The following AHCY variants were observed in gnomAD, a reference collection of about 807,000 sequenced individuals.
The protein encoded by AHCY is adenosylhomocysteinase.
In AHCY, 24 loss-of-function variants were observed where a neutral mutation model predicts 45.4. That is an observed-to-expected ratio of 0.53 (90% confidence interval 0.38 to 0.74). The LOEUF is 0.74. Ranked by LOEUF, AHCY falls within the 30% of genes least tolerant of loss-of-function variation. The pLI is 0.00. For missense variants in AHCY, 449 were observed against 594.1 expected, an observed-to-expected ratio of 0.76 and a Z score of 2.54; for synonymous variants, 245 against 235.1, an observed-to-expected ratio of 1.04 and a Z score of -0.39.
intron 1 of AHCY, chr20:34,301,845 A>G: frequency 1.0e-6 from 1 of 985,474 alleles, no homozygotes; most frequent in Non-Finnish European, 1.2e-6. Flanking sequence ...AATCTTTGCA[A>G]GTCACCTCCC....
chr20:34,307,612 T>C (rs138627333), upstream of AHCY, among the ~76,000 whole-genome samples: 18 of 152,354 alleles, frequency 1.2e-4, no homozygotes, highest in East Asian at 2.5e-3. Flanking sequence ...CCTCGGGTGA[T>C]CCGCCCGCCC....
At chr20:34,291,017 G>A in intron 5 of AHCY, 79 bp from the exon 6 acceptor site, 1 of 1,424,688 alleles carries the variant, frequency 7.0e-7, no homozygotes, top group Non-Finnish European at 9.8e-7. Flanking sequence ...AGAGTATTCT[G>A]AAGAGCCCAG....
intron 1 of AHCY, 40 bp downstream of exon 1, chr20:34,303,203 T>C (rs1402615971): frequency 6.5e-7 from 1 of 1,550,326 alleles, no homozygotes; most frequent in East Asian, 2.4e-5. Flanking sequence ...CCCGGGCGGG[T>C]GCCGGGCGGC....
chr20:34,282,948 T>C, intron 9 of AHCY, among the ~76,000 whole-genome samples: 1 of 152,172 alleles, frequency 6.6e-6, no homozygotes, highest in Non-Finnish European at 1.5e-5. Context: ...ATCTACTGTT[T>C]CATTAGAGCC....
the AHCY span, among the ~76,000 whole-genome samples, chr20:34,274,980 T>C: frequency 7.9e-5 from 12 of 152,026 alleles, no homozygotes; most frequent in African/African-American, 1.9e-4. Context: ...TACAAATTCC[T>C]GTTCCAGCAC....
intron 8 of AHCY, chr20:34,286,451 A>C (rs1203259689): frequency 5.3e-5 from 8 of 152,282 alleles, no homozygotes; most frequent in Admixed American, 5.2e-4. Context: ...CCATGTTCTC[A>C]ATAACCATGA....
At chr20:34,249,239 T>C in the AHCY span, among the ~76,000 whole-genome samples, 1 of 152,126 alleles carries the variant, frequency 6.6e-6, no homozygotes, top group Non-Finnish European at 1.5e-5. Context: ...GTGGCAGGGC[T>C]GGGACCAGAA....
chr20:34,235,832 A>AAGGAAGGAAGGAAG, the AHCY span, among the ~76,000 whole-genome samples: 1 of 67,444 alleles, frequency 1.5e-5, no homozygotes, highest in African/African-American at 1.5e-4. Context: ...AAAGAAAGAA[A>AAGGAAGGAAGGAAG]GAAAGAAAGA....
At chr20:34,281,199 G>C (rs1568783089) in intron 9 of AHCY, 34 bp from the exon 10 acceptor site, 2 of 1,611,074 alleles carry the variant, frequency 1.2e-6, no homozygotes, top group African/African-American at 2.7e-5. Context: ...GGGAATCAGT[G>C]CCATTTTCTG....
chr20:34,264,644 T>C, the AHCY span, among the ~76,000 whole-genome samples: 1 of 152,116 alleles, frequency 6.6e-6, no homozygotes, highest in Non-Finnish European at 1.5e-5. Context: ...AGACAATACA[T>C]CTTGTAAACA....
chr20:34,261,667 T>A, the AHCY span, among the ~76,000 whole-genome samples: 1 of 151,084 alleles, frequency 6.6e-6, no homozygotes, highest in Non-Finnish European at 1.5e-5. Flanking sequence ...CCGGGAATGG[T>A]GGTGCATGCC....
chr20:34,275,797 C>T (rs1321074807), downstream of AHCY, among the ~76,000 whole-genome samples: 5 of 151,946 alleles, frequency 3.3e-5, no homozygotes, highest in Non-Finnish European at 7.4e-5. Flanking sequence ...CTGTCTCAGC[C>T]TCCTGAGTAG....
intron 9 of AHCY, among the ~76,000 whole-genome samples, chr20:34,284,209 G>A (rs1273072754): frequency 6.6e-6 from 1 of 152,014 alleles, no homozygotes; most frequent in Non-Finnish European, 1.5e-5. Context: ...CACCAGGCTG[G>A]AGTGCAGTGG....
chr20:34,235,913 A>AGGAAGGAG, the AHCY span, among the ~76,000 whole-genome samples: 4 of 107,106 alleles, frequency 3.7e-5, no homozygotes, highest in African/African-American at 9.3e-5. Context: ...GAAGGAAGGA[A>AGGAAGGAG]GGAAGGAAGG....
In AHCY at chr20:34,290,452, G is replaced by A; in HGVS notation, c.855-3C>T. The A allele has an allele frequency of 6.2e-7, 1 of 1,614,114 alleles. No individual in the cohort carries two copies. ...CATCCTTCATCTGCTCAAAGTGCCT[G>A]TCAGGCAGCCCAAGACCGTGGGAGA... On this transcript the variant is annotated splice_region_variant and splice_polypyrimidine_tract_variant and intron_variant, in intron 7 of 9. Coordinates refer to ENST00000217426, the MANE Select transcript of AHCY (RefSeq NM_000687.4). The surrounding 1 kb of genome is among the most constrained non-coding windows in gnomAD (Gnocchi z 4.5).
the AHCY span, among the ~76,000 whole-genome samples, chr20:34,266,225 G>A: frequency 6.6e-6 from 1 of 152,026 alleles, no homozygotes; most frequent in Non-Finnish European, 1.5e-5. Context: ...GGTGGCGGGC[G>A]CCTGTAGTCC....
intron 9 of AHCY, among the ~76,000 whole-genome samples, chr20:34,282,048 T>C (rs2036021869): frequency 6.6e-6 from 1 of 152,200 alleles, no homozygotes; most frequent in South Asian, 2.1e-4. Context: ...TTAAAATGTA[T>C]CTATAAATTC....
chr20:34,262,690 T>C, the AHCY span: 3 of 840,692 alleles, frequency 3.6e-6, no homozygotes, highest in Admixed American at 6.1e-5. Context: ...CTGGCTTGAG[T>C]CCTACAGTGT....
intron 8 of AHCY, among the ~76,000 whole-genome samples, chr20:34,288,440 G>T (rs575754788): frequency 2.0e-5 from 3 of 152,298 alleles, no homozygotes; most frequent in African/African-American, 7.2e-5. Context: ...CCAGCACTTT[G>T]GGAGATAACT....
Sources: gnomAD v4.1 joint callset for allele counts (sites outside exome capture counted in the v4.1 genomes callset) on GRCh38, gnomAD v4.1.1 for gene constraint, Gnocchi (gnomAD v3.1) non-coding constraint, MANE v1.5 for transcripts, NCBI Gene and HGNC (gene_info 2026-07-23, HGNC 2026-07-21) for gene names.